The following CELF2 variants were observed in gnomAD, a reference collection of about 807,000 sequenced individuals.
CELF2 encodes the protein CUGBP Elav-like family member 2.
A neutral mutation model predicts 62.6 loss-of-function variants in CELF2; 8 were observed. That is an observed-to-expected ratio of 0.13 (90% CI 0.07 to 0.23). The LOEUF (loss-of-function observed/expected upper bound fraction) is 0.23. CELF2 is among the 10% of genes least tolerant of loss of function. The probability of loss-of-function intolerance (pLI) is 1.00; values close to 1 mark genes in which losing one functional copy is unlikely to be tolerated. For synonymous variants in CELF2, 258 were observed against 250.0 expected (o/e 1.03, Z -0.30); for missense variants, 333 against 671.0 (o/e 0.50, Z 5.56).
At chr10:11,106,785 C>G (rs936762135) in intron 1 of CELF2, among the ~76,000 whole-genome samples, 1 of 152,200 alleles carries the variant, frequency 6.6e-6, no homozygotes, top group Non-Finnish European at 1.5e-5. Flanking sequence ...AAGGGCATTG[C>G]AGTTGTGGTT....
At chr10:11,124,678 C>T (rs1419977807) in intron 1 of CELF2, among the ~76,000 whole-genome samples, 4 of 152,164 alleles carry the variant, frequency 2.6e-5, no homozygotes, top group Non-Finnish European at 5.9e-5. Context: ...GTGCCAGGCA[C>T]TGCAATAAGT....
At chr10:11,186,825 A>G (rs1230522771) in intron 2 of CELF2, among the ~76,000 whole-genome samples, 1 of 152,212 alleles carries the variant, frequency 6.6e-6, no homozygotes, top group Non-Finnish European at 1.5e-5. Flanking sequence ...CATTTTGGAT[A>G]AAGGATCTCA....
At chr10:10,978,973 T>G (rs2051711148) in intron 2 of CELF2, among the ~76,000 whole-genome samples, 1 of 152,208 alleles carries the variant, frequency 6.6e-6, no homozygotes, top group African/African-American at 2.4e-5. Context: ...TGTAGCCCAT[T>G]TGCAGGATTT....
chr10:10,490,839 A>G, the CELF2 span, among the ~76,000 whole-genome samples: 1 of 152,174 alleles, frequency 6.6e-6, no homozygotes, highest in African/African-American at 2.4e-5. Context: ...GGAGTTAATA[A>G]TGGCTACTTG....
intron 1 of CELF2, among the ~76,000 whole-genome samples, chr10:11,078,626 C>T (rs1318511635): frequency 6.6e-6 from 1 of 152,194 alleles, no homozygotes; most frequent in Non-Finnish European, 1.5e-5. Flanking sequence ...AGATGTAACA[C>T]TGGACTTATT....
chr10:10,757,364 T>C, the CELF2 span, among the ~76,000 whole-genome samples: 2 of 152,016 alleles, frequency 1.3e-5, no homozygotes, highest in Admixed American at 6.6e-5. Flanking sequence ...GAGGCTGAGA[T>C]AGGAGGATCA....
chr10:11,299,802 G>GGA (rs2093546694), intron 9 of CELF2, among the ~76,000 whole-genome samples: 1 of 105,468 alleles, frequency 9.5e-6, no homozygotes, highest in African/African-American at 3.7e-5. Context: ...CCCCTTGTAA[G>GGA]GAGATCATCA....
chr10:11,058,457 G>GTTTGTTTTT (rs369791162), intron 1 of CELF2, among the ~76,000 whole-genome samples: 8 of 115,172 alleles, frequency 6.9e-5, no homozygotes, highest in Admixed American at 8.5e-5. Flanking sequence ...GGTTTTTTTT[G>GTTTGTTTTT]TTGGTTTTTT....
the CELF2 span, among the ~76,000 whole-genome samples, chr10:10,697,296 G>A: frequency 6.6e-6 from 1 of 152,158 alleles, no homozygotes; most frequent in Admixed American, 6.5e-5. Context: ...ACAGACGAAT[G>A]GAGAATGAGT....
intron 5 of CELF2, among the ~76,000 whole-genome samples, chr10:11,262,155 C>T (rs1235137768): frequency 1.3e-5 from 2 of 152,182 alleles, no homozygotes; most frequent in African/African-American, 4.8e-5. Flanking sequence ...TGCCAAAACC[C>T]TTGACAAATG....
chr10:10,994,353 T>C (rs1379664705), intron 2 of CELF2, among the ~76,000 whole-genome samples: 1 of 152,224 alleles, frequency 6.6e-6, no homozygotes, highest in Non-Finnish European at 1.5e-5. Context: ...CATTGATGTA[T>C]TCAGAGAGGA....
chr10:10,551,697 G>A, the CELF2 span, among the ~76,000 whole-genome samples: 3 of 152,188 alleles, frequency 2.0e-5, no homozygotes, highest in Non-Finnish European at 4.4e-5. Flanking sequence ...TCCTTAAGCA[G>A]TCAGTGATCC....
chr10:11,166,671 A>G (rs1216880956), intron 2 of CELF2, among the ~76,000 whole-genome samples: 1 of 152,008 alleles, frequency 6.6e-6, no homozygotes, highest in East Asian at 1.9e-4. Context: ...TCTGTCTGGC[A>G]TGTTATTTTA....
At chr10:11,188,516 C>T (rs1214588487) in intron 2 of CELF2, among the ~76,000 whole-genome samples, 1 of 152,104 alleles carries the variant, frequency 6.6e-6, no homozygotes, top group Admixed American at 6.5e-5. Flanking sequence ...TTTCAGATGT[C>T]ATCCTTCTCC....
At chr10:11,128,893 G>T (rs1170932530) in intron 1 of CELF2, among the ~76,000 whole-genome samples, 2 of 152,144 alleles carry the variant, frequency 1.3e-5, no homozygotes, top group African/African-American at 2.4e-5. Context: ...TGATTGCCCT[G>T]GCCAGAACTT....
chr10:10,874,022 T>A (rs1341013412), intron 1 of CELF2, among the ~76,000 whole-genome samples: 3 of 152,180 alleles, frequency 2.0e-5, no homozygotes, highest in African/African-American at 7.2e-5. Context: ...TATATTAAAA[T>A]GATTCTGGCC....
In CELF2 at chr10:11,110,789, G is replaced by A. The variant is rs2054948142; in HGVS notation, c.75-54697G>A. Among the ~76,000 whole-genome samples the A allele has an allele frequency of 6.6e-6, 1 of 152,116 alleles. No homozygotes were observed. Among genetic ancestry groups the A allele is most frequent in the Non-Finnish European group, 1.5e-5 (1 of 68,010 alleles). On this transcript the variant is annotated intron_variant, in intron 1 of 12. Coordinates refer to ENST00000633077, the MANE Select transcript of CELF2 (RefSeq NM_001326342.2). The surrounding 1 kb of genome is among the most constrained non-coding windows in gnomAD (Gnocchi z 4.0). ...GAGGCCTCATCCGGGGGCAGTTTCTGCTTGTCAAGGAACTGCAACCCTGAC... is the reference window on the plus strand; with the variant it reads ...GAGGCCTCATCCGGGGGCAGTTTCTACTTGTCAAGGAACTGCAACCCTGAC...
At chr10:10,584,640 A>T in the CELF2 span, among the ~76,000 whole-genome samples, 4 of 152,192 alleles carry the variant, frequency 2.6e-5, no homozygotes, top group East Asian at 3.9e-4. Context: ...TAGACACTGT[A>T]TCTGAATCAC....
intron 6 of CELF2, among the ~76,000 whole-genome samples, 165 bp downstream of exon 6, chr10:11,266,842 T>A (rs993347761): frequency 6.6e-6 from 1 of 152,178 alleles, no homozygotes; most frequent in African/African-American, 2.4e-5. Context: ...TCTCTCTCTC[T>A]CTTTCTCTAT....
Sources: allele counts gnomAD v4.1 joint callset (sites outside exome capture counted in the v4.1 genomes callset), GRCh38; gene constraint gnomAD v4.1.1; non-coding constraint Gnocchi (gnomAD v3.1); transcripts MANE v1.5; gene names NCBI Gene and HGNC (gene_info 2026-07-23, HGNC 2026-07-21).